VPS35L: variants seen among roughly 807,000 people sequenced by gnomAD.
VPS35L encodes VPS35 endosomal protein-sorting factor-like.
Under a neutral mutation model 133.0 loss-of-function variants are expected in VPS35L, and 83 were observed. The observed-to-expected ratio is 0.62, with a 90% CI of 0.52 to 0.75. The LOEUF is 0.75. Among genes scored for constraint, VPS35L ranks in the 30% least tolerant of loss-of-function variants. VPS35L has a pLI of 0.00. For synonymous variants in VPS35L, 423 were observed against 449.9 expected (o/e 0.94, Z 0.76); for missense variants, 1,083 against 1,206.8 (o/e 0.90, Z 1.52).
At chr16:19,664,510 C>T (rs1446796465) in intron 26 of VPS35L, among the ~76,000 whole-genome samples, 1 of 149,576 alleles carries the variant, frequency 6.7e-6, no homozygotes, top group East Asian at 2.0e-4. Flanking sequence ...TGGGGTTTTT[C>T]TGGTTTGGGT....
chr16:19,650,603 C>T (rs1168078409), intron 25 of VPS35L, 144 bp downstream of exon 25: 2 of 673,226 alleles, frequency 3.0e-6, no homozygotes, highest in East Asian at 5.7e-5. Context: ...TAATTTTTCC[C>T]TGTATCTATG....
intron 18 of VPS35L, 39 bp downstream of exon 18, chr16:19,629,859 T>C: frequency 1.3e-6 from 2 of 1,583,300 alleles, no homozygotes; most frequent in Non-Finnish European, 1.7e-6. Flanking sequence ...AAGAATTAGA[T>C]TTTTTCATGT....
At chr16:19,630,394 C>T (rs961042112) in intron 18 of VPS35L, among the ~76,000 whole-genome samples, 10 of 131,102 alleles carry the variant, frequency 7.6e-5, no homozygotes, top group Admixed American at 3.7e-4. Context: ...AGTGTGGTGG[C>T]GTGGTCTCGG....
chr16:19,629,631 T>C, intron 17 of VPS35L, 136 bp from the exon 18 acceptor site: 1 of 608,814 alleles, frequency 1.6e-6, no homozygotes, highest in Non-Finnish European at 2.8e-6. Context: ...AAATAAAAGA[T>C]CAGCCTTTAA....
intron 14 of VPS35L, among the ~76,000 whole-genome samples, chr16:19,624,499 C>T (rs1973197203): frequency 6.6e-6 from 1 of 152,022 alleles, no homozygotes; most frequent in South Asian, 2.1e-4. Flanking sequence ...GCAGGAGAAT[C>T]TCTTGAACCC....
chr16:19,653,299 G>GGCAGGCA (rs1354305036), intron 26 of VPS35L, among the ~76,000 whole-genome samples: 2 of 152,198 alleles, frequency 1.3e-5, no homozygotes, highest in African/African-American at 4.8e-5. Flanking sequence ...GTTAGCAACA[G>GGCAGGCA]GGTACCCACC....
chr16:19,631,029 A>G (rs1973440898), intron 18 of VPS35L, among the ~76,000 whole-genome samples: 1 of 151,962 alleles, frequency 6.6e-6, no homozygotes, highest in Non-Finnish European at 1.5e-5. Flanking sequence ...TAATAATAAA[A>G]TAAGTCCTGA....
In VPS35L at chr16:19,579,014, G is replaced by T. The variant is rs779934242; in HGVS notation, c.434-38G>T. ...CTCCACTGGGGGTATTGGTGCACGA[G>T]AAAAGCCACCTGTGTGACGTAAATT... On this transcript the variant is annotated intron_variant, in intron 5 of 30. Transcript: ENST00000417362. 28 of 1,600,562 alleles carry T rather than the reference G, an allele frequency of 1.7e-5. No individual in the cohort carries two copies. In the South Asian group the frequency reaches 3.1e-4, roughly 18 times the overall value.
chr16:19,682,908 C>CTTGATTGATTGA (rs34929537), intron 28 of VPS35L, among the ~76,000 whole-genome samples: 3 of 151,488 alleles, frequency 2.0e-5, no homozygotes, highest in Non-Finnish European at 2.9e-5. Context: ...CCATCCTGCC[C>CTTGATTGATTGA]TTGATTGATT....
chr16:19,579,193 T>G (rs1410270813), intron 6 of VPS35L, 65 bp downstream of exon 6: 1 of 1,434,274 alleles, frequency 7.0e-7, no homozygotes, highest in Admixed American at 1.8e-5. Context: ...CCAAGTGAGA[T>G]CAACCTCGGT....
intron 27 of VPS35L, among the ~76,000 whole-genome samples, chr16:19,680,197 A>G (rs1012015768): frequency 2.0e-5 from 3 of 152,202 alleles, no homozygotes; most frequent in Non-Finnish European, 2.9e-5. Flanking sequence ...GCTTCGTCGT[A>G]GTATCACCCT....
intron 28 of VPS35L, among the ~76,000 whole-genome samples, chr16:19,689,979 C>G (rs1263149273): frequency 5.3e-5 from 8 of 152,088 alleles, no homozygotes; most frequent in Non-Finnish European, 1.2e-4. Context: ...GTCATGTGAT[C>G]ATAGCTCATT....
intron 4 of VPS35L, 48 bp from the exon 5 acceptor site, chr16:19,575,050 A>G (rs1567392387): frequency 1.3e-6 from 2 of 1,503,040 alleles, no homozygotes; most frequent in Non-Finnish European, 1.8e-6. Flanking sequence ...AACAATGAAC[A>G]TACTGCCTTC....
chr16:19,612,520 C>T (rs978489495), intron 12 of VPS35L, among the ~76,000 whole-genome samples: 3 of 152,202 alleles, frequency 2.0e-5, no homozygotes, highest in African/African-American at 7.2e-5. Flanking sequence ...TCACAAATTG[C>T]TGGGATTACA....
intron 28 of VPS35L, among the ~76,000 whole-genome samples, chr16:19,686,684 C>T (rs1265911666): frequency 6.6e-6 from 1 of 152,186 alleles, no homozygotes; most frequent in Non-Finnish European, 1.5e-5. Context: ...TGAAGGCCCC[C>T]AATACACTCT....
chr16:19,651,950 C>T (rs773711144), intron 25 of VPS35L, 26 bp from the exon 26 acceptor site: 22 of 1,496,436 alleles, frequency 1.5e-5, no homozygotes, highest in South Asian at 3.4e-5. Context: ...GCACTGCTAG[C>T]GTTAATGTTT....
chr16:19,608,230 T>C lies in VPS35L; in HGVS notation c.837T>C (p.Asn279=). 6.2e-7 allele frequency: 1 copy of C among 1,613,812 alleles called. No individual in the cohort carries two copies. The highest frequency in any genetic ancestry group is 8.5e-7 in the Non-Finnish European group (1 of 1,179,772). Residue 279 remains asparagine, a synonymous_variant, in exon 10 of 31, where the codon AAT becomes AAC. Transcript: ENST00000417362. ...ANDTAKETCL[N]WFFKIASIRE... Reference sequence around the variant, plus strand: ...ACACGGCCAAGGAAACATGCCTAAATTGGTTTTTCAAGATTGCCTCCATCA... The same window carrying C: ...ACACGGCCAAGGAAACATGCCTAAACTGGTTTTTCAAGATTGCCTCCATCA...
At chr16:19,623,787 A>C (rs1973164857) in intron 14 of VPS35L, among the ~76,000 whole-genome samples, 1 of 108,408 alleles carries the variant, frequency 9.2e-6, no homozygotes, top group African/African-American at 4.9e-5. Context: ...TATTATTATT[A>C]TTATTATTAT....
intron 28 of VPS35L, 38 bp from the exon 29 acceptor site, chr16:19,691,315 G>A (rs1212510568): frequency 9.7e-6 from 15 of 1,553,594 alleles, no homozygotes; most frequent in Non-Finnish European, 1.3e-5. Flanking sequence ...ATGGCCGCGG[G>A]GCTTGGGTCT....
Sources: allele counts gnomAD v4.1 joint callset (sites outside exome capture counted in the v4.1 genomes callset), GRCh38; gene constraint gnomAD v4.1.1; transcripts MANE v1.5; gene names NCBI Gene and HGNC (gene_info 2026-07-23, HGNC 2026-07-21).